Variants in CACNA1E observed in about 807,000 individuals in gnomAD.
CACNA1E encodes the protein calcium voltage-gated channel subunit alpha1 E, also known as voltage-dependent R-type calcium channel subunit alpha-1E.
CACNA1E carries 40 observed loss-of-function variants against 259.2 expected under a neutral mutation model. The ratio of observed to expected loss-of-function variants is 0.15; its 90% CI spans 0.12 to 0.20. CACNA1E has a LOEUF of 0.20. Among genes scored for constraint, CACNA1E ranks in the 10% least tolerant of loss-of-function variants. The pLI, the probability that CACNA1E is intolerant of heterozygous loss-of-function variation, is 1.00. For synonymous variants in CACNA1E, 1,104 were observed against 1,138.5 expected, an observed-to-expected ratio of 0.97 and a Z score of 0.61; for missense variants, 1,874 against 3,040.1, an observed-to-expected ratio of 0.62 and a Z score of 9.02.
intron 1 of CACNA1E, among the ~76,000 whole-genome samples, chr1:181,343,262 C>T (rs1259928918): frequency 6.6e-6 from 1 of 152,082 alleles, no homozygotes; most frequent in East Asian, 1.9e-4. Context: ...TGGATGGTAT[C>T]CCCTCCAAAT....
At position 181,360,060 on chromosome 1, in the gene CACNA1E, A is replaced by G. The variant is rs554056422; in HGVS notation, c.-15+41937A>G. Among the ~76,000 whole-genome samples, 10 of 152,292 alleles carry G rather than the reference A, an allele frequency of 6.6e-5. No individual in the cohort carries two copies. The East Asian group carries it at 1.9e-3, about 29-fold the overall frequency. On this transcript the variant is annotated intron_variant, in intron 1 of 11. Coordinates refer to the CACNA1E transcript ENST00000524607. ...CCCTCTCTTCTGGTGCACGGGAATC[A>G]TAAGGGTTTTGCTGCTTCCATGACA... is the stretch of plus-strand genomic sequence containing the variant.
At chr1:181,542,998 G>A (rs1028346701) in intron 3 of CACNA1E, among the ~76,000 whole-genome samples, 8 of 139,680 alleles carry the variant, frequency 5.7e-5, no homozygotes, top group Admixed American at 2.2e-4. Flanking sequence ...GTTTGTTTGC[G>A]TAGTCCATTG....
At chr1:181,504,285 C>A (rs758825991) in intron 1 of CACNA1E, among the ~76,000 whole-genome samples, 2 of 152,138 alleles carry the variant, frequency 1.3e-5, no homozygotes, top group Non-Finnish European at 2.9e-5. Context: ...TATACCCCCC[C>A]AGGAGTTTCC....
chr1:181,388,310 G>C (rs1438496278), intron 1 of CACNA1E, among the ~76,000 whole-genome samples: 1 of 152,234 alleles, frequency 6.6e-6, no homozygotes, highest in Non-Finnish European at 1.5e-5. Flanking sequence ...CTGAGCCATT[G>C]CTTCTAGACA....
chr1:181,720,643 T>C (rs1654334606), intron 14 of CACNA1E, 140 bp from the exon 15 acceptor site: 2 of 673,252 alleles, frequency 3.0e-6, no homozygotes, highest in Admixed American at 4.4e-5. Flanking sequence ...TTGTAAGTTA[T>C]GTGGAATGGG....
intron 7 of CACNA1E, 128 bp downstream of exon 7, chr1:181,651,569 G>A: frequency 1.6e-6 from 1 of 639,254 alleles, no homozygotes; most frequent in South Asian, 2.0e-5. Context: ...CAGTTCCTCT[G>A]TGCCAAATGC....
chr1:181,396,019 A>T (rs1191602232), intron 1 of CACNA1E, among the ~76,000 whole-genome samples: 1 of 152,202 alleles, frequency 6.6e-6, no homozygotes, highest in Non-Finnish European at 1.5e-5. Flanking sequence ...TTGCGGGTTG[A>T]AATTAAGTTG....
At chr1:181,476,905 GATGGGC>G (rs1462523309) in intron 2 of CACNA1E, among the ~76,000 whole-genome samples, 1 of 152,156 alleles carries the variant, frequency 6.6e-6, no homozygotes, top group Admixed American at 6.5e-5. Context: ...GGTAGACAGT[GATGGGC>G]ATGGGATCCT....
intron 3 of CACNA1E, among the ~76,000 whole-genome samples, chr1:181,546,551 A>G (rs1000110776): frequency 6.6e-6 from 1 of 151,828 alleles, no homozygotes; most frequent in Non-Finnish European, 1.5e-5. Flanking sequence ...GTTGTCCTCT[A>G]TGTTGAAAGT....
At position 181,553,867 on chromosome 1, in the gene CACNA1E, G is replaced by A. The variant is rs143148996; in HGVS notation, c.513-23899G>A. On this transcript the variant is annotated intron_variant, in intron 3 of 47. Coordinates refer to ENST00000367573, the MANE Select transcript of CACNA1E (RefSeq NM_001205293.3). Reference sequence around the variant, plus strand: ...GGGATAAAGCCGACTTGATCGTGGTGGATAAGTTTTTTGATATAGTCACTG... The same window carrying A: ...GGGATAAAGCCGACTTGATCGTGGTAGATAAGTTTTTTGATATAGTCACTG... Among the ~76,000 whole-genome samples, 259 of 152,276 alleles carry A rather than the reference G, an allele frequency of 1.7e-3. 1 individual carries two copies. The highest frequency in any genetic ancestry group is 5.9e-3 in the African/African-American group (246 of 41,550).
intron 7 of CACNA1E, among the ~76,000 whole-genome samples, chr1:181,691,492 G>A (rs965199998): frequency 1.3e-5 from 2 of 152,034 alleles, no homozygotes; most frequent in African/African-American, 4.8e-5. Context: ...GAATAATGTT[G>A]TGCCAGTAAA....
At chr1:181,373,566 C>G (rs1448188874) in intron 1 of CACNA1E, among the ~76,000 whole-genome samples, 1 of 131,276 alleles carries the variant, frequency 7.6e-6, no homozygotes, top group Non-Finnish European at 1.6e-5. Flanking sequence ...GAGACGGAGA[C>G]TCGCTCTGTC....
At chr1:181,664,394 C>T (rs1474224915) in intron 7 of CACNA1E, among the ~76,000 whole-genome samples, 1 of 152,164 alleles carries the variant, frequency 6.6e-6, no homozygotes. Context: ...ATTCAAAAAT[C>T]CCTGCCTCCA....
intron 7 of CACNA1E, among the ~76,000 whole-genome samples, chr1:181,666,317 A>G (rs573660685): frequency 6.6e-6 from 1 of 152,268 alleles, no homozygotes; most frequent in East Asian, 1.9e-4. Flanking sequence ...TCTGTGTGCC[A>G]GGCAGTATTC....
intron 27 of CACNA1E, 65 bp downstream of exon 27, chr1:181,752,304 T>G: frequency 1.7e-6 from 2 of 1,172,118 alleles, no homozygotes; most frequent in Non-Finnish European, 2.6e-6. Flanking sequence ...TAGCCATGGC[T>G]GGCCTGCCTT....
chr1:181,589,394 T>C (rs1173748444), intron 6 of CACNA1E, among the ~76,000 whole-genome samples: 1 of 152,208 alleles, frequency 6.6e-6, no homozygotes, highest in Non-Finnish European at 1.5e-5. Context: ...CAGTGGGCTC[T>C]CAGGAAGTAG....
chr1:181,402,500 C>T (rs1317402096), intron 1 of CACNA1E, among the ~76,000 whole-genome samples: 1 of 152,204 alleles, frequency 6.6e-6, no homozygotes, highest in Non-Finnish European at 1.5e-5. Context: ...CCTCTTGGGG[C>T]AGTCTGAGAG....
At chr1:181,560,426 T>G (rs1307802790) in intron 3 of CACNA1E, among the ~76,000 whole-genome samples, 1 of 152,210 alleles carries the variant, frequency 6.6e-6, no homozygotes, top group African/African-American at 2.4e-5. Flanking sequence ...CACTGTTGAA[T>G]TAATATTTTA....
At chr1:181,556,395 G>A (rs1405908558) in intron 3 of CACNA1E, among the ~76,000 whole-genome samples, 11 of 152,190 alleles carry the variant, frequency 7.2e-5, no homozygotes. Context: ...CCCCTCTAGA[G>A]CAAGGATATA....
Sources: allele counts gnomAD v4.1 joint callset (sites outside exome capture counted in the v4.1 genomes callset), GRCh38; gene constraint gnomAD v4.1.1; transcripts MANE v1.5; gene names NCBI Gene and HGNC (gene_info 2026-07-23, HGNC 2026-07-21).